Variants in PCDH15 observed in about 807,000 individuals in gnomAD.
The protein encoded by PCDH15 is protocadherin related 15.
A neutral mutation model predicts 178.5 loss-of-function variants in PCDH15; 129 were observed. The ratio of observed to expected loss-of-function variants is 0.72; its 90% confidence interval spans 0.63 to 0.84. The LOEUF (loss-of-function observed/expected upper bound fraction) is 0.84, where lower values mean the gene tolerates loss of function less well. PCDH15 is among the 40% of genes least tolerant of loss of function. The pLI is 0.00. For missense variants in PCDH15, 2,230 were observed against 2,099.9 expected (o/e 1.06, Z -1.21); for synonymous variants, 800 against 732.0 (o/e 1.09, Z -1.50).
chr10:54,364,126 C>T (rs1175079752), intron 5 of PCDH15, among the ~76,000 whole-genome samples: 3 of 151,486 alleles, frequency 2.0e-5, no homozygotes, highest in Admixed American at 6.6e-5. Context: ...GCAGGAGAAT[C>T]GCTTGAACCC....
At chr10:55,030,869 T>C (rs1485426426) in intron 2 of PCDH15, among the ~76,000 whole-genome samples, 3 of 152,004 alleles carry the variant, frequency 2.0e-5, no homozygotes, top group South Asian at 4.1e-4. Flanking sequence ...AGAAAATAAA[T>C]GGTAAAAGAA....
At chr10:54,143,469 A>G (rs1005727477) in intron 14 of PCDH15, among the ~76,000 whole-genome samples, 16 of 152,144 alleles carry the variant, frequency 1.1e-4, no homozygotes, top group African/African-American at 3.6e-4. Flanking sequence ...TGTTCGTGAA[A>G]AGAACTTTTC....
chr10:53,805,945 A>C lies in PCDH15; in HGVS notation c.*634T>G, dbSNP rs1445581110. On this transcript the variant is annotated 3_prime_UTR_variant, in exon 38 of 38. Transcript: ENST00000644397. Reference sequence around the variant, plus strand: ...TATTGATAAAAAGACATACGACTTCAAGTGGTTTCCTAAAGGGTCAAGATA... The same window carrying C: ...TATTGATAAAAAGACATACGACTTCCAGTGGTTTCCTAAAGGGTCAAGATA... 6 of 152,134 alleles carry C rather than the reference A, an allele frequency of 3.9e-5. No individual in the cohort carries two copies. The highest frequency in any genetic ancestry group is 1.4e-4 in the African/African-American group (6 of 41,410). The allele number at this position is 152,134 out of a possible 1,614,324, so 9.4% of individuals were successfully genotyped here.
chr10:55,025,346 A>G (rs1439187202), intron 2 of PCDH15, among the ~76,000 whole-genome samples: 1 of 152,128 alleles, frequency 6.6e-6, no homozygotes, highest in Admixed American at 6.6e-5. Flanking sequence ...CCTATTTTCC[A>G]TAATTTCTCA....
chr10:53,918,012 C>T (rs993172786), intron 25 of PCDH15, among the ~76,000 whole-genome samples: 3 of 152,102 alleles, frequency 2.0e-5, no homozygotes, highest in African/African-American at 7.2e-5. Context: ...AGAGCAGATG[C>T]CAGCACCACA....
At chr10:55,110,414 T>G (rs1837470692) in intron 2 of PCDH15, among the ~76,000 whole-genome samples, 1 of 152,038 alleles carries the variant, frequency 6.6e-6, no homozygotes. Context: ...AATGTAGTCG[T>G]TTAAAAAGCC....
intron 8 of PCDH15, among the ~76,000 whole-genome samples, chr10:54,285,833 T>C (rs1378946148): frequency 6.6e-6 from 1 of 152,072 alleles, no homozygotes; most frequent in Non-Finnish European, 1.5e-5. Flanking sequence ...CATCAACTGA[T>C]AAATGAATAA....
intron 2 of PCDH15, among the ~76,000 whole-genome samples, chr10:55,383,174 C>G (rs548665759): frequency 1.3e-5 from 2 of 152,194 alleles, no homozygotes; most frequent in East Asian, 1.9e-4. Context: ...AGAAGGGGAT[C>G]TTTTCCTGAA....
At chr10:54,122,929 C>T (rs1178445710) in intron 15 of PCDH15, among the ~76,000 whole-genome samples, 1 of 151,346 alleles carries the variant, frequency 6.6e-6, no homozygotes, top group African/African-American at 2.4e-5. Flanking sequence ...AAAGGACTCC[C>T]TATTCAATAA....
chr10:55,519,097 A>G, intron 2 of PCDH15, among the ~76,000 whole-genome samples: 1 of 146,974 alleles, frequency 6.8e-6, no homozygotes, highest in Non-Finnish European at 1.5e-5. Context: ...TCGTCTCAAA[A>G]AAAAAAAAAA....
chr10:53,995,442 A>G, intron 21 of PCDH15: 1 of 814,996 alleles, frequency 1.2e-6, no homozygotes, highest in Non-Finnish European at 1.9e-6. Context: ...GAAAAACAAA[A>G]AGCATATTCT....
rs1266379014 is a variant in PCDH15 at position 54,027,195 on chromosome 10, T to C, written c.2221-3998A>G. Among the ~76,000 whole-genome samples the C allele has an allele frequency of 2.0e-5, 3 of 148,460 alleles. No homozygotes were observed. The East Asian group carries it at 6.0e-4, about 30-fold the overall frequency. Reference sequence around the variant, plus strand: ...TGAGTGAACTCCCATTCACAATTGCTTCAAAGAGGATAAAATACCTAGGAA... The same window carrying C: ...TGAGTGAACTCCCATTCACAATTGCCTCAAAGAGGATAAAATACCTAGGAA... On this transcript the variant is annotated intron_variant, in intron 18 of 37. Coordinates refer to ENST00000644397, the MANE Select transcript of PCDH15 (RefSeq NM_001384140.1).
intron 8 of PCDH15, among the ~76,000 whole-genome samples, chr10:54,281,745 C>T (rs1011928666): frequency 6.6e-6 from 1 of 151,930 alleles, no homozygotes. Flanking sequence ...TTTAGTACTA[C>T]CATCTATAAA....
intron 3 of PCDH15, among the ~76,000 whole-genome samples, chr10:54,392,853 T>G (rs1039449454): frequency 3.3e-5 from 5 of 149,920 alleles, no homozygotes; most frequent in African/African-American, 1.2e-4. Context: ...GAGCCGTGAT[T>G]ATGCCACTGA....
At chr10:54,493,313 G>T (rs1273021786) in intron 3 of PCDH15, among the ~76,000 whole-genome samples, 1 of 149,072 alleles carries the variant, frequency 6.7e-6, no homozygotes, top group African/African-American at 2.4e-5. Context: ...CTCTGGGGGT[G>T]GGGGCAAACA....
intron 1 of PCDH15, among the ~76,000 whole-genome samples, chr10:55,254,906 T>C (rs947068306): frequency 6.6e-6 from 1 of 152,080 alleles, no homozygotes; most frequent in Non-Finnish European, 1.5e-5. Context: ...ACATCTCATG[T>C]CATAGGAATT....
intron 8 of PCDH15, among the ~76,000 whole-genome samples, chr10:54,248,185 T>A (rs1045294048): frequency 1.3e-4 from 20 of 151,768 alleles, no homozygotes; most frequent in Non-Finnish European, 2.9e-4. Flanking sequence ...AAAGTTTATT[T>A]AGAATTCCAT....
chr10:53,960,222 A>G (rs906535290), intron 22 of PCDH15, among the ~76,000 whole-genome samples: 10 of 152,186 alleles, frequency 6.6e-5, no homozygotes, highest in South Asian at 2.1e-4. Flanking sequence ...TATAGCACCA[A>G]TACACTTATT....
chr10:55,280,169 C>T (rs2132256318), intron 1 of PCDH15, among the ~76,000 whole-genome samples: 1 of 151,658 alleles, frequency 6.6e-6, no homozygotes, highest in Middle Eastern at 3.4e-3. Flanking sequence ...GGGCAATCTC[C>T]TTTGGAAGAA....
Sources: gnomAD v4.1 joint callset for allele counts (sites outside exome capture counted in the v4.1 genomes callset) on GRCh38, gnomAD v4.1.1 for gene constraint, MANE v1.5 for transcripts, NCBI Gene and HGNC (gene_info 2026-07-23, HGNC 2026-07-21) for gene names.